Variants in OTUD7B observed in about 807,000 individuals in gnomAD.
OTUD7B encodes the protein OTU domain-containing protein 7B.
Under a neutral mutation model 82.2 loss-of-function variants are expected in OTUD7B, and 34 were observed. The observed-to-expected ratio is 0.41, with a 90% CI of 0.31 to 0.55. The LOEUF is 0.55. Among genes scored for constraint, OTUD7B ranks in the 20% least tolerant of loss-of-function variants. The probability of loss-of-function intolerance (pLI) is 0.20; values close to 1 mark genes in which losing one functional copy is unlikely to be tolerated. For missense variants in OTUD7B, 944 were observed against 1,062.1 expected (o/e 0.89, Z 1.55); for synonymous variants, 398 against 402.7 (o/e 0.99, Z 0.14).
Position 149,967,465 on chromosome 1 carries a change from G to A in OTUD7B, c.331C>T (p.Arg111Trp), listed in dbSNP as rs781840092. Residue 111 changes from arginine to tryptophan, a missense_variant, in exon 4 of 12, where the codon CGG (arginine) becomes TGG (tryptophan). This residue lies in a region of OTUD7B where 530 missense variants were observed against 625.6 expected (regional missense o/e 0.85). Transcript: ENST00000581312. ...CCACCATTGGAGGAGACATGGGACC[G>A]GGCCAGGGAAACAATGCTGGAGCTG... ...HASSSIVSLA[R>W]SHVSSNGGGG... The A allele has an allele frequency of 1.2e-5, 19 of 1,613,664 alleles. No individual in the cohort carries two copies. Among genetic ancestry groups the A allele is most frequent in the East Asian group, 4.5e-5 (2 of 44,888 alleles).
chr1:150,067,397 C>T, the OTUD7B span: 25 of 157,936 alleles, frequency 1.6e-4, no homozygotes, highest in Non-Finnish European at 2.6e-4. Context: ...ACCTCCCTTG[C>T]CCTCATCTCT....
intron 1 of OTUD7B, among the ~76,000 whole-genome samples, chr1:149,995,146 A>C (rs1651843060): frequency 6.6e-6 from 1 of 152,214 alleles, no homozygotes; most frequent in South Asian, 2.1e-4. Context: ...TTTATTGTGC[A>C]CCTAATCCAA....
At chr1:150,063,461 G>A in the OTUD7B span, among the ~76,000 whole-genome samples, 2 of 152,094 alleles carry the variant, frequency 1.3e-5, no homozygotes, top group Non-Finnish European at 2.9e-5. Flanking sequence ...GAAAAAAAAA[G>A]AAATGTTTCT....
chr1:149,983,605 C>T (rs1553780258), intron 1 of OTUD7B, among the ~76,000 whole-genome samples: 1 of 151,874 alleles, frequency 6.6e-6, no homozygotes, highest in African/African-American at 2.4e-5. Flanking sequence ...AGGAAACATG[C>T]GCTAAACTTC....
chr1:149,950,271 G>A lies in OTUD7B; in HGVS notation c.846-50C>T, dbSNP rs184201612. ...TGAAAAGGGTGCAGTAAAAATGAGAGAGTAGAAACAGGAGACCCTGAAGAC... is the reference window on the plus strand; with the variant it reads ...TGAAAAGGGTGCAGTAAAAATGAGAAAGTAGAAACAGGAGACCCTGAAGAC... On this transcript the variant is annotated intron_variant, in intron 7 of 11. Transcript: ENST00000581312. 2.5e-4 allele frequency: 400 copies of A among 1,597,920 alleles called. 4 individuals are homozygous for A. The African/African-American group carries it at 4.4e-3, about 18-fold the overall frequency.
chr1:149,977,683 C>T lies in OTUD7B; in HGVS notation c.-66-107G>A, dbSNP rs77768714. ...AATGGGGAAACTATCCTAGCTCATT[C>T]ATTTCAGTTGAATTTTAAAATACAG... is the stretch of plus-strand genomic sequence containing the variant. On this transcript the variant is annotated intron_variant, in intron 1 of 11. Transcript: ENST00000581312. 1.4e-3 allele frequency: 775 copies of T among 549,926 alleles called. 9 individuals are homozygous for T. The highest frequency in any genetic ancestry group is 0.013 in the African/African-American group (698 of 53,188). The allele number at this position is 549,926 out of a possible 1,614,324, so 34.1% of individuals were successfully genotyped here. A position where few individuals can be genotyped will look rare whatever the true frequency, so the allele number is the denominator to read the frequency against.
intron 1 of OTUD7B, among the ~76,000 whole-genome samples, chr1:149,997,495 C>T (rs782390229): frequency 3.3e-5 from 5 of 152,156 alleles, no homozygotes; most frequent in Non-Finnish European, 4.4e-5. Flanking sequence ...GAGGCTACTT[C>T]ACCCACAGCT....
intron 1 of OTUD7B, among the ~76,000 whole-genome samples, chr1:150,009,492 G>C (rs1315046367): frequency 2.0e-5 from 3 of 152,180 alleles, no homozygotes; most frequent in Non-Finnish European, 2.9e-5. Context: ...TACGTAGTAC[G>C]TATAAAAAGA....
chr1:150,045,325 C>T, the OTUD7B span, among the ~76,000 whole-genome samples: 1 of 151,850 alleles, frequency 6.6e-6, no homozygotes, highest in Non-Finnish European at 1.5e-5. Context: ...AACTCCTGAC[C>T]TCTAGTGATC....
At chr1:149,990,802 C>A (rs965813743) in intron 1 of OTUD7B, among the ~76,000 whole-genome samples, 8 of 152,084 alleles carry the variant, frequency 5.3e-5, no homozygotes, top group African/African-American at 1.9e-4. Context: ...TTGCGACCAG[C>A]CTAACATAGT....
At chr1:150,050,928 A>AG in the OTUD7B span, among the ~76,000 whole-genome samples, 1 of 149,030 alleles carries the variant, frequency 6.7e-6, no homozygotes. Flanking sequence ...AAAAAAAAAA[A>AG]GAAAAGAAAG....
At chr1:150,016,709 C>A in the OTUD7B span, among the ~76,000 whole-genome samples, 1 of 152,142 alleles carries the variant, frequency 6.6e-6, no homozygotes, top group Non-Finnish European at 1.5e-5. Flanking sequence ...GCCTTGGCCT[C>A]CCAAAGTGCT....
At chr1:149,969,384 T>G (rs1649748561) in intron 3 of OTUD7B, among the ~76,000 whole-genome samples, 1 of 152,194 alleles carries the variant, frequency 6.6e-6, no homozygotes, top group African/African-American at 2.4e-5. Flanking sequence ...TATAAAATGA[T>G]TTCACAAGGA....
the OTUD7B span, among the ~76,000 whole-genome samples, chr1:150,038,267 C>T: frequency 6.6e-6 from 1 of 151,958 alleles, no homozygotes; most frequent in African/African-American, 2.4e-5. Flanking sequence ...TTTTCCATAC[C>T]CTTTTCTCTT....
intron 1 of OTUD7B, among the ~76,000 whole-genome samples, chr1:149,997,054 T>G (rs1020226636): frequency 6.6e-6 from 1 of 152,162 alleles, no homozygotes; most frequent in African/African-American, 2.4e-5. Flanking sequence ...GCTGAGTTCC[T>G]AGTCAAAAAA....
At chr1:150,052,683 G>A in the OTUD7B span, among the ~76,000 whole-genome samples, 6 of 151,810 alleles carry the variant, frequency 4.0e-5, no homozygotes, top group Non-Finnish European at 7.4e-5. Context: ...AATTCATATG[G>A]AACTAAAAAA....
the OTUD7B span, among the ~76,000 whole-genome samples, chr1:150,064,590 A>C: frequency 1.2e-4 from 18 of 152,178 alleles, no homozygotes; most frequent in African/African-American, 4.1e-4. Flanking sequence ...GTTGGTCTCA[A>C]ATTCCTGGGC....
chr1:149,952,825 G>A (rs1648365774), intron 7 of OTUD7B, among the ~76,000 whole-genome samples: 1 of 152,176 alleles, frequency 6.6e-6, no homozygotes, highest in Non-Finnish European at 1.5e-5. Flanking sequence ...TTTTTCATGT[G>A]TCTGTTGGCT....
At chr1:150,045,314 G>T in the OTUD7B span, among the ~76,000 whole-genome samples, 1 of 151,686 alleles carries the variant, frequency 6.6e-6, no homozygotes, top group Non-Finnish European at 1.5e-5. Flanking sequence ...CGCTGGTCTC[G>T]AACTCCTGAC....
Sources: gnomAD v4.1 joint callset for allele counts (sites outside exome capture counted in the v4.1 genomes callset) on GRCh38, gnomAD v4.1.1 for gene constraint, gnomAD v4.1.1 regional missense constraint, MANE v1.5 for transcripts, NCBI Gene and HGNC (gene_info 2026-07-23, HGNC 2026-07-21) for gene names.